NFIA: variants seen among roughly 807,000 people sequenced by gnomAD.
NFIA encodes nuclear factor I A, also known as nuclear factor 1 A-type.
In NFIA, 8 loss-of-function variants were observed where a neutral mutation model predicts 62.8. That is an observed-to-expected ratio of 0.13 (90% confidence interval 0.07 to 0.23). NFIA has a LOEUF of 0.23. Among genes scored for constraint, NFIA ranks in the 10% least tolerant of loss-of-function variants. NFIA has a pLI of 1.00. For missense variants in NFIA, 410 were observed against 642.1 expected, an observed-to-expected ratio of 0.64 and a Z score of 3.91; for synonymous variants, 235 against 238.1, an observed-to-expected ratio of 0.99 and a Z score of 0.12.
chr1:61,348,064 C>T (rs1662339839), intron 4 of NFIA, among the ~76,000 whole-genome samples: 1 of 152,188 alleles, frequency 6.6e-6, no homozygotes, highest in Non-Finnish European at 1.5e-5. Flanking sequence ...GCCTAAAGCC[C>T]ACCTCTTCAG....
chr1:61,383,128 T>C, intron 6 of NFIA, 109 bp from the exon 7 acceptor site: 1 of 1,357,224 alleles, frequency 7.4e-7, no homozygotes. Flanking sequence ...CATTCACAGG[T>C]GGATTTCTCT....
intron 10 of NFIA, among the ~76,000 whole-genome samples, chr1:61,431,189 GATCCCTGA>G (rs1667084519): frequency 6.6e-6 from 1 of 152,092 alleles, no homozygotes; most frequent in Non-Finnish European, 1.5e-5. Flanking sequence ...AACTTAATCT[GATCCCTGA>G]AAATGAGAAC....
chr1:61,174,517 A>C (rs917769007), intron 2 of NFIA, among the ~76,000 whole-genome samples: 2 of 152,110 alleles, frequency 1.3e-5, no homozygotes, highest in Admixed American at 6.5e-5. Flanking sequence ...AGAATTTGTT[A>C]CTCCTGGTCT....
At chr1:61,439,942 A>C (rs1007755497) in intron 10 of NFIA, among the ~76,000 whole-genome samples, 2 of 152,224 alleles carry the variant, frequency 1.3e-5, no homozygotes, top group African/African-American at 4.8e-5. Context: ...TTCAGCTTTC[A>C]TGGCTTATAC....
chr1:61,179,714 G>A (rs1650623358), intron 2 of NFIA, among the ~76,000 whole-genome samples: 1 of 152,152 alleles, frequency 6.6e-6, no homozygotes, highest in Admixed American at 6.5e-5. Context: ...ACCCTATGTA[G>A]GCCCCTTTCT....
intron 2 of NFIA, among the ~76,000 whole-genome samples, chr1:61,150,554 G>A (rs1010182585): frequency 1.3e-5 from 2 of 152,150 alleles, no homozygotes; most frequent in Non-Finnish European, 2.9e-5. Context: ...ATTTTGGGGG[G>A]AAATTTTAAA....
intron 5 of NFIA, 136 bp from the exon 6 acceptor site, chr1:61,359,011 A>T: frequency 8.1e-7 from 1 of 1,229,742 alleles, no homozygotes; most frequent in Non-Finnish European, 1.1e-6. Context: ...ACTGAACAGA[A>T]GTTTAAAAGG....
intron 10 of NFIA, among the ~76,000 whole-genome samples, chr1:61,453,242 A>T (rs547737525): frequency 5.9e-5 from 9 of 152,158 alleles, no homozygotes; most frequent in Admixed American, 5.9e-4. Context: ...CTTGCTAATG[A>T]TAGTCACGTC....
chr1:61,429,408 C>T (rs550050700), intron 10 of NFIA, among the ~76,000 whole-genome samples: 2 of 152,316 alleles, frequency 1.3e-5, no homozygotes, highest in South Asian at 4.1e-4. Context: ...ACAGCAAGGC[C>T]TGTGCTCTCT....
intron 2 of NFIA, among the ~76,000 whole-genome samples, chr1:61,155,580 GGA>G (rs1457025361): frequency 1.3e-5 from 2 of 149,798 alleles, no homozygotes; most frequent in Non-Finnish European, 3.0e-5. Flanking sequence ...GGCTGAGGCA[GGA>G]GGATGGCGTG....
At chr1:61,281,237 CAAAA>C (rs113416259) in intron 3 of NFIA, among the ~76,000 whole-genome samples, 1 of 132,966 alleles carries the variant, frequency 7.5e-6, no homozygotes, top group Non-Finnish European at 1.6e-5. Flanking sequence ...GACTCCATCT[CAAAA>C]AAAAAAAAGA....
At chr1:61,408,598 G>GAAAA (rs1329621286) in intron 9 of NFIA, among the ~76,000 whole-genome samples, 1 of 152,100 alleles carries the variant, frequency 6.6e-6, no homozygotes, top group Non-Finnish European at 1.5e-5. Flanking sequence ...CAATTCCGTG[G>GAAAA]AAACAGATCC....
chr1:61,291,137 A>G (rs1658856283), intron 3 of NFIA, among the ~76,000 whole-genome samples: 1 of 152,204 alleles, frequency 6.6e-6, no homozygotes, highest in Non-Finnish European at 1.5e-5. Context: ...AAAGACGAAG[A>G]AAGAAGAGAA....
chr1:61,086,993 GAA>G (rs1018578820), intron 1 of NFIA, among the ~76,000 whole-genome samples: 2 of 152,168 alleles, frequency 1.3e-5, no homozygotes, highest in Non-Finnish European at 2.9e-5. Context: ...GTGGCAGAGA[GAA>G]GTTATGTAAC....
In NFIA at chr1:61,421,637, C is replaced by T. The variant is rs111326821; in HGVS notation, c.1421-4828C>T. Reference sequence around the variant, plus strand: ...CTGCCAAGGTGCCTCACATTTTCCTCCTAGCTGCGGCCAGAGGAGCTGGCT... The same window carrying T: ...CTGCCAAGGTGCCTCACATTTTCCTTCTAGCTGCGGCCAGAGGAGCTGGCT... On this transcript the variant is annotated intron_variant, in intron 9 of 10. Coordinates refer to ENST00000403491, the MANE Select transcript of NFIA (RefSeq NM_001134673.4). Among the ~76,000 whole-genome samples the T allele has an allele frequency of 2.6e-5, 4 of 152,300 alleles. No homozygotes were observed. The East Asian group carries it at 7.7e-4, about 29-fold the overall frequency.
intron 2 of NFIA, among the ~76,000 whole-genome samples, chr1:61,167,499 G>A (rs1334019507): frequency 2.0e-5 from 3 of 152,168 alleles, no homozygotes; most frequent in Non-Finnish European, 2.9e-5. Context: ...GCCACAGGGT[G>A]ACTTTTATGC....
At chr1:61,275,794 T>G (rs1657772238) in intron 2 of NFIA, among the ~76,000 whole-genome samples, 1 of 152,160 alleles carries the variant, frequency 6.6e-6, no homozygotes. Flanking sequence ...ATATTTAATG[T>G]GTAATTTCTA....
chr1:61,090,451 C>T (rs184331546), intron 2 of NFIA, among the ~76,000 whole-genome samples: 93 of 152,230 alleles, frequency 6.1e-4, no homozygotes, highest in African/African-American at 2.2e-3. Context: ...AGTGTCCATT[C>T]TAAGTTTTCG....
At chr1:61,370,379 A>C (rs1019927259) in intron 6 of NFIA, among the ~76,000 whole-genome samples, 7 of 152,222 alleles carry the variant, frequency 4.6e-5, no homozygotes, top group African/African-American at 1.7e-4. Flanking sequence ...ATGGCACACC[A>C]AGTACTGAAA....
Sources: allele counts gnomAD v4.1 joint callset (sites outside exome capture counted in the v4.1 genomes callset), GRCh38; gene constraint gnomAD v4.1.1; transcripts MANE v1.5; gene names NCBI Gene and HGNC (gene_info 2026-07-23, HGNC 2026-07-21).